The following CFAP92 variants were observed in gnomAD, a reference collection of about 807,000 sequenced individuals.
CFAP92 encodes cilia and flagella associated protein 92 (putative).
Under a neutral mutation model 106.3 loss-of-function variants are expected in CFAP92, and 86 were observed. The ratio of observed to expected loss-of-function variants is 0.81; its 90% CI spans 0.68 to 0.97. CFAP92 has a LOEUF of 0.97. CFAP92 is among the 50% of genes least tolerant of loss of function. CFAP92 has a pLI of 0.00. For missense variants in CFAP92, 1,204 were observed against 1,283.8 expected, an observed-to-expected ratio of 0.94 and a Z score of 0.95; for synonymous variants, 477 against 506.4, an observed-to-expected ratio of 0.94 and a Z score of 0.78.
chr3:128,945,536 T>A lies in CFAP92; in HGVS notation c.1793A>T (p.Gln598Leu), dbSNP rs757930252. The A allele has an allele frequency of 1.3e-5, 20 of 1,536,172 alleles. No individual in the cohort carries two copies. The highest frequency in any genetic ancestry group is 1.7e-5 in the Non-Finnish European group (19 of 1,146,924). The part of the protein sequence containing the change: ...SCEVQPTHCG[Q>L]DSRRRKVVGL... ...CACAACCTTCCTTCTCCTGCTGTCC[T>A]GGCCGCAGTGTGTGGGCTGAACCTC... is the stretch of plus-strand genomic sequence containing the variant. The change falls in exon 10 of 16, where the codon CAG becomes CTG. Residue 598 changes from glutamine (Q) to leucine (L), a missense_variant. Physicochemically the swap from Gln to Leu is moderately radical, Grantham distance 113. Transcript: ENST00000645291.
intron 11 of CFAP92, among the ~76,000 whole-genome samples, chr3:128,933,604 C>G (rs546161415): frequency 8.5e-5 from 13 of 152,352 alleles, no homozygotes; most frequent in African/African-American, 2.9e-4. Flanking sequence ...CACTCACTGT[C>G]CCAGTGACCC....
chr3:129,021,254 T>C, the CFAP92 span, among the ~76,000 whole-genome samples: 6 of 152,238 alleles, frequency 3.9e-5, no homozygotes, highest in African/African-American at 1.2e-4. Context: ...ACCTCTGTCT[T>C]ATATATAAAC....
intron 10 of CFAP92, among the ~76,000 whole-genome samples, chr3:128,941,287 C>T (rs1939596251): frequency 6.6e-6 from 1 of 152,052 alleles, no homozygotes; most frequent in Admixed American, 6.6e-5. Context: ...CTTATCTGAA[C>T]ATACTTTTGG....
In CFAP92 at chr3:128,993,338, T is replaced by A; in HGVS notation, c.-32-2A>T. The A allele has an allele frequency of 6.3e-7, 1 of 1,584,054 alleles. No individual in the cohort carries two copies. The highest frequency in any genetic ancestry group is 2.3e-5 in the East Asian group (1 of 43,430). On this transcript the variant is annotated splice_acceptor_variant, in intron 1 of 15. Coordinates refer to ENST00000645291, the MANE Select transcript of CFAP92 (RefSeq NM_001394090.1). LOFTEE classifies it low-confidence loss of function (5UTR_SPLICE). ...GCGCACTGCTGGCCGCCGGCGCTCCTGGCAGGGAGAAAGTGAAGGCTGTCC... is the reference window on the plus strand; with the variant it reads ...GCGCACTGCTGGCCGCCGGCGCTCCAGGCAGGGAGAAAGTGAAGGCTGTCC...
At chr3:129,008,591 G>A in the CFAP92 span, among the ~76,000 whole-genome samples, 2 of 152,108 alleles carry the variant, frequency 1.3e-5, no homozygotes, top group African/African-American at 4.8e-5. Flanking sequence ...ACGTTCTGTG[G>A]ACCAATCCCC....
At chr3:128,938,262 T>TA (rs1455499342) in intron 10 of CFAP92, among the ~76,000 whole-genome samples, 6 of 151,340 alleles carry the variant, frequency 4.0e-5, no homozygotes, top group Admixed American at 1.3e-4. Context: ...AAGAAAAAGC[T>TA]CAAAAAAACG....
At chr3:128,943,507 G>C (rs986046079) in intron 10 of CFAP92, among the ~76,000 whole-genome samples, 1 of 152,034 alleles carries the variant, frequency 6.6e-6, no homozygotes, top group African/African-American at 2.4e-5. Context: ...AATGTTTCAA[G>C]GTTGAGATAT....
intron 8 of CFAP92, among the ~76,000 whole-genome samples, chr3:128,966,217 T>G (rs1483430769): frequency 6.6e-6 from 1 of 152,252 alleles, no homozygotes; most frequent in African/African-American, 2.4e-5. Context: ...ACAAGCCGCA[T>G]TCCAAATGCC....
intron 4 of CFAP92, among the ~76,000 whole-genome samples, chr3:128,980,197 C>A (rs1316098912): frequency 6.6e-6 from 1 of 151,344 alleles, no homozygotes; most frequent in African/African-American, 2.4e-5. Flanking sequence ...ATGGTGAAAC[C>A]TTGTTTCTAC....
chr3:128,977,899 C>T (rs1305144824), intron 5 of CFAP92, 146 bp downstream of exon 5: 3 of 874,924 alleles, frequency 3.4e-6, no homozygotes, highest in Non-Finnish European at 5.3e-6. Context: ...GCAATACAGC[C>T]GTGTGGCAGG....
At chr3:128,922,194 T>A (rs546430009) in intron 12 of CFAP92, among the ~76,000 whole-genome samples, 1 of 151,526 alleles carries the variant, frequency 6.6e-6, no homozygotes, top group Non-Finnish European at 1.5e-5. Flanking sequence ...AAAAAAAAAA[T>A]TAGCTGGGCA....
intron 4 of CFAP92, 141 bp downstream of exon 4, chr3:128,987,475 G>C: frequency 1.4e-6 from 1 of 691,336 alleles, no homozygotes; most frequent in Non-Finnish European, 2.5e-6. Flanking sequence ...GCATGGCCTG[G>C]TGGGATGCCC....
At chr3:129,014,296 T>C in the CFAP92 span, among the ~76,000 whole-genome samples, 1 of 152,192 alleles carries the variant, frequency 6.6e-6, no homozygotes, top group Non-Finnish European at 1.5e-5. The surrounding 1 kb of genome is among the most constrained non-coding windows in gnomAD (Gnocchi z 4.3). Context: ...GTGAGTCAGC[T>C]CGGGCTGCTG....
At position 128,910,311 on chromosome 3, in the gene CFAP92, G is replaced by A. The variant is rs1240173645; in HGVS notation, c.3303C>T (p.Ser1101=). 2 of 1,487,726 alleles carry A rather than the reference G, an allele frequency of 1.3e-6. No homozygotes were observed. The highest frequency in any genetic ancestry group is 1.8e-4 in the Middle Eastern group (1 of 5,602). The allele number at this position is 1,487,726 out of a possible 1,614,324, so 92.2% of individuals were successfully genotyped here. A position where few individuals can be genotyped will look rare whatever the true frequency, so the allele number is the denominator to read the frequency against. The change falls in exon 16 of 16, where the codon AGC becomes AGT. Residue 1101 remains serine, a synonymous_variant. Coordinates refer to ENST00000645291, the MANE Select transcript of CFAP92 (RefSeq NM_001394090.1). ...GGGTCTGTGCTGCTCAGGAGATGGG[G>A]CTGTTCCCTTTCTTCTTCCTGACTG... ...PVTVRKKKGN[S]PIS is the part of the protein sequence containing the mutation.
Position 128,988,723 on chromosome 3 carries a change from C to T in CFAP92, c.453+5G>A, listed in dbSNP as rs769810738. The T allele has an allele frequency of 2.2e-5, 35 of 1,613,346 alleles. No individual in the cohort carries two copies. Among genetic ancestry groups the T allele is most frequent in the African/African-American group, 2.7e-5 (2 of 74,880 alleles). ...ACACAAGGCCACACACACTCACACA[C>T]GCACCTTTACTCCTGACTCCAGGAA... On this transcript the variant is annotated splice_donor_5th_base_variant and intron_variant, in intron 3 of 15. Transcript: ENST00000645291.
chr3:128,988,976 T>C, intron 2 of CFAP92, 58 bp from the exon 3 acceptor site: 1 of 1,315,646 alleles, frequency 7.6e-7, no homozygotes, highest in Non-Finnish European at 1.1e-6. Context: ...AGCAGACCCG[T>C]CTCCCCAGTT....
At chr3:129,023,441 G>A in the CFAP92 span, among the ~76,000 whole-genome samples, 889 of 151,910 alleles carry the variant, frequency 5.9e-3, 13 homozygotes, top group African/African-American at 0.02. Flanking sequence ...GCATTCTCCT[G>A]CCTCAGCCTC....
At chr3:128,918,579 G>A (rs1336252614) in intron 12 of CFAP92, among the ~76,000 whole-genome samples, 1 of 152,176 alleles carries the variant, frequency 6.6e-6, no homozygotes, top group Non-Finnish European at 1.5e-5. Flanking sequence ...GCCTAGTAAA[G>A]TTGTCTTAAA....
intron 4 of CFAP92, among the ~76,000 whole-genome samples, chr3:128,978,610 T>C (rs1467772192): frequency 6.6e-6 from 1 of 151,848 alleles, no homozygotes; most frequent in Non-Finnish European, 1.5e-5. Context: ...AACAGAGAAA[T>C]AGACCAATGG....
Sources: allele counts gnomAD v4.1 joint callset (sites outside exome capture counted in the v4.1 genomes callset), GRCh38; gene constraint gnomAD v4.1.1; non-coding constraint Gnocchi (gnomAD v3.1); transcripts MANE v1.5; gene names NCBI Gene and HGNC (gene_info 2026-07-23, HGNC 2026-07-21).